The following STAG1 variants were observed in gnomAD, a reference collection of about 807,000 sequenced individuals.
The protein encoded by STAG1 is STAG1 cohesin complex component.
Under a neutral mutation model 170.9 loss-of-function variants are expected in STAG1, and 26 were observed. That is an observed-to-expected ratio of 0.15 (90% CI 0.11 to 0.21). STAG1 has a LOEUF of 0.21. Among genes scored for constraint, STAG1 ranks in the 10% least tolerant of loss-of-function variants. The pLI is 1.00. For missense variants in STAG1, 964 were observed against 1,509.5 expected (o/e 0.64, Z 5.99); for synonymous variants, 514 against 497.7 (o/e 1.03, Z -0.44).
chr3:136,344,803 G>A (rs1372053952), intron 29 of STAG1, among the ~76,000 whole-genome samples: 1 of 151,354 alleles, frequency 6.6e-6, no homozygotes, highest in East Asian at 1.9e-4. Flanking sequence ...TAGGAGAGAC[G>A]GGGTATCATT....
At chr3:136,740,924 A>G (rs1934635690) in intron 1 of STAG1, among the ~76,000 whole-genome samples, 1 of 152,248 alleles carries the variant, frequency 6.6e-6, no homozygotes, top group Admixed American at 6.5e-5. Context: ...GGTTGTAGCC[A>G]TGTAAGAAAC....
rs576922883 is a variant in STAG1 at position 136,601,195 on chromosome 3, A to G, written c.297+3114T>C. On this transcript the variant is annotated intron_variant, in intron 4 of 33. Transcript: ENST00000383202. ...ACTATTTTTAATACAATAAAACTGG[A>G]AACAGTTCAAATAAAATCTAGTTAA... 9.2e-5 allele frequency among the ~76,000 whole-genome samples: 14 copies of G among 152,282 alleles called. No individual in the cohort carries two copies. The East Asian group carries it at 2.7e-3, about 29-fold the overall frequency.
At chr3:136,476,739 A>T (rs2089760247) in intron 10 of STAG1, among the ~76,000 whole-genome samples, 1 of 152,186 alleles carries the variant, frequency 6.6e-6, no homozygotes, top group Admixed American at 6.5e-5. Flanking sequence ...CAGTACGTAA[A>T]TGCCACACCT....
At chr3:136,415,757 G>A (rs1200602550) in intron 21 of STAG1, among the ~76,000 whole-genome samples, 2 of 152,150 alleles carry the variant, frequency 1.3e-5, no homozygotes, top group African/African-American at 2.4e-5. Flanking sequence ...AGGAAGCGGA[G>A]GTCACAGTGA....
At chr3:136,493,882 T>C (rs910395109) in intron 9 of STAG1, among the ~76,000 whole-genome samples, 2 of 152,244 alleles carry the variant, frequency 1.3e-5, no homozygotes, top group African/African-American at 4.8e-5. Context: ...CAAAATATTA[T>C]GAATAACATT....
At chr3:136,513,804 C>A (rs932698073) in intron 7 of STAG1, among the ~76,000 whole-genome samples, 1 of 150,900 alleles carries the variant, frequency 6.6e-6, no homozygotes. Context: ...AAGGAGAGAA[C>A]AAATTAAGAA....
chr3:136,630,737 C>T (rs1940300405), intron 2 of STAG1, 133 bp downstream of exon 2: 1 of 708,662 alleles, frequency 1.4e-6, no homozygotes. Context: ...CTACTACTTA[C>T]ACTGCAAAGA....
intron 20 of STAG1, among the ~76,000 whole-genome samples, chr3:136,419,907 T>C (rs1287270967): frequency 6.6e-6 from 1 of 152,140 alleles, no homozygotes; most frequent in Non-Finnish European, 1.5e-5. Context: ...TTCATTACAT[T>C]AAGTGATAGC....
At chr3:136,587,036 A>G in intron 4 of STAG1, 1 of 362,286 alleles carries the variant, frequency 2.8e-6, no homozygotes, top group Non-Finnish European at 5.4e-6. Flanking sequence ...TAAATGAGAA[A>G]TTGTCTATCA....
chr3:136,562,880 G>A (rs922939783), intron 5 of STAG1, among the ~76,000 whole-genome samples: 7 of 152,148 alleles, frequency 4.6e-5, no homozygotes, highest in Non-Finnish European at 1.0e-4. Context: ...GAGTCACGAC[G>A]CCCAGCATTT....
chr3:136,527,420 T>C (rs1421955248), intron 6 of STAG1, among the ~76,000 whole-genome samples: 1 of 152,240 alleles, frequency 6.6e-6, no homozygotes, highest in East Asian at 1.9e-4. Flanking sequence ...CACGTAGTTC[T>C]AGTGCCATGG....
At chr3:136,579,396 T>C (rs560222700) in intron 4 of STAG1, among the ~76,000 whole-genome samples, 84 of 60,152 alleles carry the variant, frequency 1.4e-3, no homozygotes, top group Non-Finnish European at 1.0e-3. Context: ...CACAGCTCAG[T>C]TGAATCCTCT....
intron 6 of STAG1, among the ~76,000 whole-genome samples, chr3:136,534,005 T>C (rs1233727224): frequency 1.3e-5 from 2 of 152,176 alleles, no homozygotes; most frequent in African/African-American, 2.4e-5. Context: ...GACTTCAAAT[T>C]ATATTACAAG....
intron 16 of STAG1, among the ~76,000 whole-genome samples, chr3:136,431,353 A>C (rs1367820295): frequency 2.6e-5 from 4 of 151,064 alleles, no homozygotes; most frequent in Non-Finnish European, 5.9e-5. Flanking sequence ...GCTCACCACA[A>C]CCTCTGCCTC....
intron 16 of STAG1, among the ~76,000 whole-genome samples, chr3:136,428,158 T>A (rs951153815): frequency 1.3e-5 from 2 of 151,496 alleles, no homozygotes; most frequent in African/African-American, 4.9e-5. Flanking sequence ...CAAGAAGAAA[T>A]ACACTAATCT....
chr3:136,739,899 T>C (rs1270260082), intron 1 of STAG1, among the ~76,000 whole-genome samples: 2 of 152,060 alleles, frequency 1.3e-5, no homozygotes, highest in Non-Finnish European at 2.9e-5. Context: ...ATACTGTGCC[T>C]TATAAACACT....
chr3:136,591,637 G>A, intron 4 of STAG1: 1 of 267,762 alleles, frequency 3.7e-6, no homozygotes, highest in Non-Finnish European at 7.5e-6. Context: ...TATGGCTATT[G>A]TGCAAGTTCA....
chr3:136,416,259 G>A (rs2087769313), intron 21 of STAG1, among the ~76,000 whole-genome samples: 1 of 152,142 alleles, frequency 6.6e-6, no homozygotes, highest in African/African-American at 2.4e-5. Context: ...GCCCACCTTG[G>A]CCTCCCAAAG....
intron 5 of STAG1, among the ~76,000 whole-genome samples, chr3:136,556,686 G>A (rs7621308): frequency 0.41 from 62,604 of 151,408 alleles, 15,347 homozygotes; most frequent in East Asian, 0.81. Flanking sequence ...GGGCTCAAGC[G>A]ATCCTCTCAC....
Sources: gnomAD v4.1 joint callset for allele counts (sites outside exome capture counted in the v4.1 genomes callset) on GRCh38, gnomAD v4.1.1 for gene constraint, MANE v1.5 for transcripts, NCBI Gene and HGNC (gene_info 2026-07-23, HGNC 2026-07-21) for gene names.